SORCS3: variants seen among roughly 807,000 people sequenced by gnomAD.
The protein encoded by SORCS3 is VPS10 domain-containing receptor SorCS3.
SORCS3 carries 57 observed loss-of-function variants against 146.3 expected under a neutral mutation model. The ratio of observed to expected loss-of-function variants is 0.39; its 90% CI spans 0.31 to 0.49. The LOEUF (loss-of-function observed/expected upper bound fraction) is 0.49. Among genes scored for constraint, SORCS3 ranks in the 20% least tolerant of loss-of-function variants. The pLI is 0.92. For missense variants in SORCS3, 1,341 were observed against 1,575.5 expected (o/e 0.85, Z 2.52); for synonymous variants, 653 against 618.5 (o/e 1.06, Z -0.83).
At chr10:104,970,641 A>T (rs1023227162) in intron 3 of SORCS3, among the ~76,000 whole-genome samples, 1 of 152,122 alleles carries the variant, frequency 6.6e-6, no homozygotes, top group Non-Finnish European at 1.5e-5. Flanking sequence ...TGAGTGAAAA[A>T]AAGTCATTAT....
At chr10:105,183,651 C>G (rs956874172) in intron 14 of SORCS3, among the ~76,000 whole-genome samples, 1 of 152,162 alleles carries the variant, frequency 6.6e-6, no homozygotes, top group African/African-American at 2.4e-5. Flanking sequence ...GTGGAACTCC[C>G]AAGTCATCAC....
At chr10:104,651,491 C>T (rs940833020) in intron 1 of SORCS3, among the ~76,000 whole-genome samples, 13 of 143,188 alleles carry the variant, frequency 9.1e-5, no homozygotes, top group East Asian at 2.1e-4. Flanking sequence ...GTCAGGAGTT[C>T]GAGACCAGCC....
intron 1 of SORCS3, among the ~76,000 whole-genome samples, chr10:104,715,174 G>A (rs1176731849): frequency 6.6e-6 from 1 of 152,194 alleles, no homozygotes; most frequent in Non-Finnish European, 1.5e-5. Context: ...GTGTCTGTGA[G>A]GGTGTTTCTG....
At chr10:104,807,826 C>T (rs1029762971) in intron 1 of SORCS3, among the ~76,000 whole-genome samples, 1 of 152,062 alleles carries the variant, frequency 6.6e-6, no homozygotes, top group Non-Finnish European at 1.5e-5. Context: ...GAGTTGTCCT[C>T]ACACCAGAAA....
intron 11 of SORCS3, among the ~76,000 whole-genome samples, chr10:105,163,396 T>C (rs1254299135): frequency 1.3e-5 from 2 of 152,312 alleles, no homozygotes; most frequent in East Asian, 3.9e-4. Context: ...TTAGGGTTCC[T>C]TCCTGGTTGT....
At chr10:104,741,029 A>G (rs1239751377) in intron 1 of SORCS3, among the ~76,000 whole-genome samples, 3 of 151,888 alleles carry the variant, frequency 2.0e-5, no homozygotes, top group African/African-American at 7.3e-5. Context: ...TGGTCCTATC[A>G]TAGCTCATTG....
Position 104,832,718 on chromosome 10 carries a change from C to CAAATAAATAAAT in SORCS3, c.628-10053_628-10042dup, listed in dbSNP as rs148553473. Among the ~76,000 whole-genome samples, 378 of 133,636 alleles carry CAAATAAATAAAT rather than the reference C, an allele frequency of 2.8e-3. 3 individuals are homozygous for CAAATAAATAAAT. The highest frequency in any genetic ancestry group is 8.4e-3 in the African/African-American group (326 of 38,666). 87.7% of individuals were successfully genotyped at this position (133,636 alleles called of 152,430 possible). A position where few individuals can be genotyped will look rare whatever the true frequency, so the allele number is the denominator to read the frequency against. ...CGGCAACGAGAGTGAAACTCCATCTCAAATAAATAAATAAATAAATAAATA... is the reference window on the plus strand; with the variant it reads ...CGGCAACGAGAGTGAAACTCCATCTCAAATAAATAAATAAATAAATAAATAAATAAATAAATA... On this transcript the variant is annotated intron_variant, in intron 1 of 26. Coordinates refer to ENST00000369701, the MANE Select transcript of SORCS3 (RefSeq NM_014978.3).
chr10:104,747,610 T>C (rs982909898), intron 1 of SORCS3, among the ~76,000 whole-genome samples: 4 of 152,214 alleles, frequency 2.6e-5, no homozygotes, highest in Non-Finnish European at 5.9e-5. Context: ...ATGTGGTGTA[T>C]AGGTTGAATT....
chr10:104,878,128 C>T (rs976694626), intron 2 of SORCS3, among the ~76,000 whole-genome samples: 1 of 151,850 alleles, frequency 6.6e-6, no homozygotes, highest in East Asian at 1.9e-4. Context: ...AGAATGTAAC[C>T]ATAGAGATTT....
chr10:104,936,916 CA>C (rs1404666395), intron 3 of SORCS3, among the ~76,000 whole-genome samples: 1 of 152,152 alleles, frequency 6.6e-6, no homozygotes, highest in Admixed American at 6.5e-5. Context: ...ATTAATCTAC[CA>C]TGAATGTTTA....
chr10:105,242,504 A>ATATATATTTATATATATTTATATACATT (rs2056834584), intron 20 of SORCS3, among the ~76,000 whole-genome samples: 3 of 87,328 alleles, frequency 3.4e-5, no homozygotes, highest in African/African-American at 4.7e-5. Context: ...ATATATATTT[A>ATATATATTTATATATATTTATATACATT]TATATATTTA....
At chr10:105,069,814 A>C (rs149536665) in intron 5 of SORCS3, among the ~76,000 whole-genome samples, 31 of 152,192 alleles carry the variant, frequency 2.0e-4, no homozygotes, top group African/African-American at 7.2e-4. Flanking sequence ...ACACATTCAG[A>C]CTTGACAGAG....
At chr10:105,235,514 T>C (rs1054086106) in intron 20 of SORCS3, among the ~76,000 whole-genome samples, 1 of 151,506 alleles carries the variant, frequency 6.6e-6, no homozygotes, top group Non-Finnish European at 1.5e-5. Context: ...ATAATGTGAT[T>C]GGCATTGCTT....
chr10:104,711,930 C>A (rs1017922355), intron 1 of SORCS3, among the ~76,000 whole-genome samples: 12 of 152,162 alleles, frequency 7.9e-5, no homozygotes, highest in African/African-American at 2.9e-4. Context: ...AGTTAATCAC[C>A]ACTGCCTGCC....
intron 1 of SORCS3, among the ~76,000 whole-genome samples, chr10:104,828,631 C>T (rs1039252028): frequency 2.0e-5 from 3 of 151,964 alleles, no homozygotes; most frequent in African/African-American, 4.8e-5. Flanking sequence ...CAGGCTTGCT[C>T]GACATGGGGT....
In SORCS3 at chr10:105,139,498, A is replaced by G; in HGVS notation, c.1302+12A>G. 6.2e-7 allele frequency: 1 copy of G among 1,607,424 alleles called. No individual in the cohort carries two copies. Among genetic ancestry groups the G allele is most frequent in the Non-Finnish European group, 8.5e-7 (1 of 1,174,262 alleles). ...ACTCGTTGCCAAAGGTACTGCATGC[A>G]CCACTAGCGGTCCTGGGTCCCTCTA... On this transcript the variant is annotated intron_variant, in intron 8 of 26. Transcript: ENST00000369701.
chr10:105,146,908 C>T (rs2056135295), intron 8 of SORCS3, among the ~76,000 whole-genome samples: 2 of 152,172 alleles, frequency 1.3e-5, no homozygotes, highest in Non-Finnish European at 2.9e-5. Context: ...GAAACTGACA[C>T]ATTCAGCATC....
chr10:104,986,558 G>T (rs893230926), intron 4 of SORCS3, among the ~76,000 whole-genome samples: 5 of 152,168 alleles, frequency 3.3e-5, no homozygotes, highest in Non-Finnish European at 7.3e-5. Context: ...CAGCCTCCTG[G>T]CTTTCAACGT....
intron 1 of SORCS3, among the ~76,000 whole-genome samples, chr10:104,714,839 G>A (rs2016458098): frequency 6.6e-6 from 1 of 152,166 alleles, no homozygotes. Context: ...TCCCAGTAGG[G>A]AAGCTCCCAG....
Sources: gnomAD v4.1 joint callset for allele counts (sites outside exome capture counted in the v4.1 genomes callset) on GRCh38, gnomAD v4.1.1 for gene constraint, MANE v1.5 for transcripts, NCBI Gene and HGNC (gene_info 2026-07-23, HGNC 2026-07-21) for gene names.